Variants in NPAS3 observed in about 807,000 individuals in gnomAD.
The protein encoded by NPAS3 is neuronal PAS domain protein 3, also known as neuronal PAS domain-containing protein 3.
In NPAS3, 14 loss-of-function variants were observed where a neutral mutation model predicts 73.1. The observed-to-expected ratio is 0.19, with a 90% CI of 0.13 to 0.30. NPAS3 has a LOEUF of 0.30. Among genes scored for constraint, NPAS3 ranks in the 10% least tolerant of loss-of-function variants. The pLI, the probability that NPAS3 is intolerant of heterozygous loss-of-function variation, is 1.00. For missense variants in NPAS3, 1,096 were observed against 1,250.0 expected, an observed-to-expected ratio of 0.88 and a Z score of 1.86; for synonymous variants, 620 against 541.5, an observed-to-expected ratio of 1.14 and a Z score of -2.01.
intron 2 of NPAS3, among the ~76,000 whole-genome samples, chr14:33,076,163 T>C (rs1274638522): frequency 1.3e-5 from 2 of 152,102 alleles, no homozygotes; most frequent in South Asian, 2.1e-4. Flanking sequence ...AAATTTATAA[T>C]AAACAAAGGT....
At chr14:33,097,896 A>G (rs1386769669) in intron 2 of NPAS3, among the ~76,000 whole-genome samples, 1 of 152,106 alleles carries the variant, frequency 6.6e-6, no homozygotes, top group Non-Finnish European at 1.5e-5. Flanking sequence ...AATATTTTAG[A>G]TACAGATCTT....
At position 33,737,140 on chromosome 14, in the gene NPAS3, C is replaced by T. The variant is rs183354316; in HGVS notation, c.852+1808C>T. Among the ~76,000 whole-genome samples, 440 of 152,274 alleles carry T rather than the reference C, an allele frequency of 2.9e-3. 2 individuals are homozygous for T. Among genetic ancestry groups the T allele is most frequent in the Admixed American group, 4.3e-3 (66 of 15,296 alleles). Reference sequence around the variant, plus strand: ...GTCCAGCTCCATACCACATGCACTTCACCACTAGGCTATACTGCTATGCAG... The same window carrying T: ...GTCCAGCTCCATACCACATGCACTTTACCACTAGGCTATACTGCTATGCAG... On this transcript the variant is annotated intron_variant, in intron 7 of 11. Coordinates refer to ENST00000356141, the Ensembl canonical transcript of NPAS3.
At chr14:33,125,276 G>A (rs536928624) in intron 2 of NPAS3, among the ~76,000 whole-genome samples, 1 of 152,030 alleles carries the variant, frequency 6.6e-6, no homozygotes, top group Non-Finnish European at 1.5e-5. Flanking sequence ...TCATATATGA[G>A]ATATGATTTA....
chr14:33,205,421 T>C (rs1461093184), intron 2 of NPAS3, among the ~76,000 whole-genome samples: 1 of 152,186 alleles, frequency 6.6e-6, no homozygotes, highest in Non-Finnish European at 1.5e-5. Context: ...TAAGTTAGCA[T>C]GGGCCTAAAG....
At chr14:33,005,607 G>C (rs1443937335) in intron 1 of NPAS3, among the ~76,000 whole-genome samples, 1 of 152,144 alleles carries the variant, frequency 6.6e-6, no homozygotes, top group African/African-American at 2.4e-5. Flanking sequence ...GAAATAATCT[G>C]TGCTGGAAAA....
At chr14:33,507,779 A>G (rs1038700676) in intron 4 of NPAS3, among the ~76,000 whole-genome samples, 3 of 151,956 alleles carry the variant, frequency 2.0e-5, no homozygotes, top group Non-Finnish European at 2.9e-5. Flanking sequence ...TTCTCTGACA[A>G]TGCTGTTCTC....
At chr14:33,687,361 G>A (rs1434669824) in intron 6 of NPAS3, among the ~76,000 whole-genome samples, 4 of 152,182 alleles carry the variant, frequency 2.6e-5, no homozygotes, top group African/African-American at 9.7e-5. Context: ...TATAGTGTGT[G>A]TCTTTGGTAA....
In NPAS3 at chr14:33,479,697, G is replaced by A. The variant is rs201768861; in HGVS notation, c.469-80424G>A. ...GGTCAGTCTCTCCATCTTAGCAAGC[G>A]CCAATCAATATTTCTTGATCTCCAA... On this transcript the variant is annotated intron_variant, in intron 4 of 11. Transcript: ENST00000356141. Among the ~76,000 whole-genome samples, 9 of 152,190 alleles carry A rather than the reference G, an allele frequency of 5.9e-5. No individual in the cohort carries two copies. The East Asian group carries it at 1.7e-3, about 29-fold the overall frequency.
chr14:33,740,832 T>C (rs1188448292), intron 7 of NPAS3, among the ~76,000 whole-genome samples: 1 of 152,200 alleles, frequency 6.6e-6, no homozygotes, highest in East Asian at 1.9e-4. Context: ...TTCGATAATT[T>C]TTTTTTCTGA....
chr14:33,364,224 G>C (rs888772705), intron 3 of NPAS3, among the ~76,000 whole-genome samples: 1 of 152,094 alleles, frequency 6.6e-6, no homozygotes, highest in South Asian at 2.1e-4. Flanking sequence ...AGTTGTTTTA[G>C]ATCATTAATG....
At chr14:33,423,594 AAGG>A (rs1373265018) in intron 4 of NPAS3, among the ~76,000 whole-genome samples, 1 of 152,012 alleles carries the variant, frequency 6.6e-6, no homozygotes, top group Non-Finnish European at 1.5e-5. Context: ...AAATATTAAA[AAGG>A]AGACAAACGT....
intron 3 of NPAS3, among the ~76,000 whole-genome samples, chr14:33,362,046 T>C (rs1242091844): frequency 6.6e-6 from 1 of 152,156 alleles, no homozygotes; most frequent in Non-Finnish European, 1.5e-5. Context: ...ATGAAAACAA[T>C]AACAGTGCGT....
At chr14:33,426,195 C>T (rs917237655) in intron 4 of NPAS3, among the ~76,000 whole-genome samples, 11 of 152,014 alleles carry the variant, frequency 7.2e-5, no homozygotes, top group African/African-American at 2.7e-4. Context: ...GCAAGAGATT[C>T]ATGAACTCAG....
chr14:33,381,705 T>G (rs1290560471), intron 4 of NPAS3, among the ~76,000 whole-genome samples: 4 of 152,132 alleles, frequency 2.6e-5, no homozygotes, highest in African/African-American at 4.8e-5. Context: ...CAATGGAAGT[T>G]TTTCAAGTGA....
chr14:33,746,669 A>T (rs1229402352), intron 7 of NPAS3, among the ~76,000 whole-genome samples: 1 of 152,156 alleles, frequency 6.6e-6, no homozygotes, highest in Non-Finnish European at 1.5e-5. Flanking sequence ...TCATTCTGCA[A>T]GAGAAATTAC....
At chr14:32,980,123 T>C (rs1451215980) in intron 1 of NPAS3, among the ~76,000 whole-genome samples, 2 of 152,234 alleles carry the variant, frequency 1.3e-5, no homozygotes, top group African/African-American at 4.8e-5. Flanking sequence ...CTCTTGTGTG[T>C]CTTAATTAAA....
chr14:33,673,273 C>A (rs1328202809), intron 5 of NPAS3, among the ~76,000 whole-genome samples: 2 of 152,188 alleles, frequency 1.3e-5, no homozygotes, highest in Non-Finnish European at 2.9e-5. Context: ...GGCTCTGAAC[C>A]AAATTCTGTT....
At chr14:33,159,584 T>C (rs888135223) in intron 2 of NPAS3, among the ~76,000 whole-genome samples, 3 of 149,866 alleles carry the variant, frequency 2.0e-5, no homozygotes, top group Admixed American at 6.7e-5. Context: ...GATGGAGTCT[T>C]GCTCTGTCGC....
intron 3 of NPAS3, among the ~76,000 whole-genome samples, chr14:33,222,868 G>T (rs1446908141): frequency 6.6e-6 from 1 of 152,122 alleles, no homozygotes; most frequent in East Asian, 1.9e-4. Flanking sequence ...GAAAAATGGA[G>T]GGAGAATGAT....
Sources: gnomAD v4.1 joint callset for allele counts (sites outside exome capture counted in the v4.1 genomes callset) on GRCh38, gnomAD v4.1.1 for gene constraint, MANE v1.5 for transcripts, NCBI Gene and HGNC (gene_info 2026-07-23, HGNC 2026-07-21) for gene names.